PIEZO2: variants seen among roughly 807,000 people sequenced by gnomAD.
PIEZO2 encodes the protein piezo-type mechanosensitive ion channel component 2.
Under a neutral mutation model 337.3 loss-of-function variants are expected in PIEZO2, and 172 were observed. That is an observed-to-expected ratio of 0.51 (90% CI 0.45 to 0.58). The LOEUF is 0.58. Ranked by LOEUF, PIEZO2 falls within the 20% of genes least tolerant of loss-of-function variation. The pLI is 0.00. For missense variants in PIEZO2, 3,028 were observed against 3,391.3 expected, an observed-to-expected ratio of 0.89 and a Z score of 2.66; for synonymous variants, 1,251 against 1,228.5, an observed-to-expected ratio of 1.02 and a Z score of -0.38.
chr18:11,063,288 G>T (rs971823472), intron 2 of PIEZO2, among the ~76,000 whole-genome samples: 4 of 133,166 alleles, frequency 3.0e-5, no homozygotes, highest in Non-Finnish European at 4.7e-5. Context: ...TTGTGGGGTG[G>T]GGGGAGTGGG....
intron 4 of PIEZO2, among the ~76,000 whole-genome samples, chr18:10,889,320 A>G (rs1047505955): frequency 1.3e-5 from 2 of 152,238 alleles, no homozygotes; most frequent in African/African-American, 2.4e-5. Flanking sequence ...ACTGCTGCCT[A>G]TTTAGTAGAA....
Position 10,773,757 on chromosome 18 carries a change from GT to G in PIEZO2, c.2568-129del. The G allele has an allele frequency of 1.1e-6, 1 of 877,262 alleles. No individual in the cohort carries two copies. The highest frequency in any genetic ancestry group is 1.7e-6 in the Non-Finnish European group (1 of 582,122). The allele number at this position is 877,262 out of a possible 1,614,324, so 54.3% of individuals were successfully genotyped here. A position where few individuals can be genotyped will look rare whatever the true frequency, so the allele number is the denominator to read the frequency against. ...GTACAAAGACCTCACAAGGTGGGGT[GT>G]TAGCGTTTTGTCACTTTCTTTTTGG... On this transcript the variant is annotated intron_variant, in intron 19 of 55. Transcript: ENST00000674853. This position sits in a 1 kb window ranked among gnomAD's most constrained non-coding sequence, Gnocchi z 5.3.
In PIEZO2 at chr18:10,837,915, C is replaced by T. The variant is rs1315175184; in HGVS notation, c.917+17438G>A. Among the ~76,000 whole-genome samples the T allele has an allele frequency of 6.6e-6, 1 of 152,084 alleles. No homozygotes were observed. The highest frequency in any genetic ancestry group is 6.6e-5 in the Admixed American group (1 of 15,250). ...TACTGGTGCCTGCCACCATGCCCGG[C>T]TAATTTTTGTATTTTTAGTAGAGAC... On this transcript the variant is annotated intron_variant, in intron 7 of 55. Transcript: ENST00000674853. The surrounding 1 kb of genome is among the most constrained non-coding windows in gnomAD (Gnocchi z 4.4).
At chr18:11,147,655 G>T (rs952505169) in intron 1 of PIEZO2, among the ~76,000 whole-genome samples, 13 of 152,320 alleles carry the variant, frequency 8.5e-5, no homozygotes, top group African/African-American at 3.1e-4. Flanking sequence ...ACCAGGGCCC[G>T]GCATTCTTAC....
At chr18:10,804,955 A>G (rs118042203) in intron 8 of PIEZO2, among the ~76,000 whole-genome samples, 8,578 of 152,258 alleles carry the variant, frequency 0.056, 291 homozygotes, top group Non-Finnish European at 0.066. Context: ...ATACCCCTGC[A>G]GACCTCGTGA....
At position 11,067,464 on chromosome 18, in the gene PIEZO2, T is replaced by C. The variant is rs184572105; in HGVS notation, c.65-1242A>G. 3.9e-5 allele frequency among the ~76,000 whole-genome samples: 6 copies of C among 152,292 alleles called. No individual in the cohort carries two copies. In the East Asian group the frequency reaches 1.2e-3, roughly 29 times the overall value. ...ACATAGCTTGGATGAAAGAATCTTTTAAAGACCCAAGTATATGCTGCCTGC... is the reference window on the plus strand; with the variant it reads ...ACATAGCTTGGATGAAAGAATCTTTCAAAGACCCAAGTATATGCTGCCTGC... On this transcript the variant is annotated intron_variant, in intron 1 of 55. Coordinates refer to ENST00000674853, the MANE Select transcript of PIEZO2 (RefSeq NM_001378183.1).
At chr18:11,024,324 T>C (rs1484245527) in intron 2 of PIEZO2, among the ~76,000 whole-genome samples, 1 of 151,788 alleles carries the variant, frequency 6.6e-6, no homozygotes, top group Non-Finnish European at 1.5e-5. Flanking sequence ...GGCGAGCAGA[T>C]CACAAGGTCA....
In PIEZO2 at chr18:10,942,200, G is replaced by T. The variant is rs1333498952; in HGVS notation, c.287-30972C>A. On this transcript the variant is annotated intron_variant, in intron 3 of 55. Coordinates refer to ENST00000674853, the MANE Select transcript of PIEZO2 (RefSeq NM_001378183.1). This position sits in a 1 kb window ranked among gnomAD's most constrained non-coding sequence, Gnocchi z 4.4. Reference sequence around the variant, plus strand: ...TAATTCAGTAAATTGGTACCAGTAGGGTGGGGCGCTGCTGAAAAGATATCC... The same window carrying T: ...TAATTCAGTAAATTGGTACCAGTAGTGTGGGGCGCTGCTGAAAAGATATCC... 1.3e-5 allele frequency among the ~76,000 whole-genome samples: 2 copies of T among 152,144 alleles called. No homozygotes were observed. The highest frequency in any genetic ancestry group is 2.9e-5 in the Non-Finnish European group (2 of 68,034).
rs1329753771 is a variant in PIEZO2 at position 11,094,585 on chromosome 18, C to CCTCTCTGAAGACAGATGT, written c.65-28364_65-28363insACATCTGTCTTCAGAGAG. 1.3e-5 allele frequency among the ~76,000 whole-genome samples: 2 copies of CCTCTCTGAAGACAGATGT among 152,114 alleles called. No homozygotes were observed. The highest frequency in any genetic ancestry group is 6.5e-5 in the Admixed American group (1 of 15,278). On this transcript the variant is annotated intron_variant, in intron 1 of 55. Transcript: ENST00000674853. This position sits in a 1 kb window ranked among gnomAD's most constrained non-coding sequence, Gnocchi z 4.4. ...CAGGCACTCAGAAGCCTCGCTGTCC[C>CCTCTCTGAAGACAGATGT]CTCTCTGAAGACAGATGGCAACGGC...
chr18:10,900,494 C>T (rs750708944), intron 4 of PIEZO2, among the ~76,000 whole-genome samples: 47 of 152,180 alleles, frequency 3.1e-4, no homozygotes, highest in Non-Finnish European at 5.7e-4. Context: ...ATGCAGATAT[C>T]TCATGACAAT....
rs560711992 is a variant in PIEZO2 at position 10,786,493 on chromosome 18, C to A, written c.2318+543G>T. Among the ~76,000 whole-genome samples the A allele has an allele frequency of 1.6e-3, 244 of 152,286 alleles. 1 individual carries two copies. The highest frequency in any genetic ancestry group is 2.8e-3 in the African/African-American group (117 of 41,554). ...CCACATCAATATATTCAGCTCAAAA[C>A]CCAATGCTGGCTGGATTTCCAAACT... On this transcript the variant is annotated intron_variant, in intron 16 of 55. Transcript: ENST00000674853.
At chr18:10,695,536 T>C (rs1455881227) in intron 47 of PIEZO2, among the ~76,000 whole-genome samples, 1 of 152,152 alleles carries the variant, frequency 6.6e-6, no homozygotes, top group African/African-American at 2.4e-5. Flanking sequence ...TACCACAAGC[T>C]GAGACATTGC....
rs936313454 is a variant in PIEZO2 at position 10,759,152 on chromosome 18, A to G, written c.3757+330T>C. On this transcript the variant is annotated intron_variant, in intron 26 of 55. Coordinates refer to ENST00000674853, the MANE Select transcript of PIEZO2 (RefSeq NM_001378183.1). The surrounding 1 kb of genome is among the most constrained non-coding windows in gnomAD (Gnocchi z 5.5). ...GGGAGCCAGAAACCACCAAGTCAGA[A>G]AACACAAAAGCCTTCCTCTCTGGTC... 1.3e-5 allele frequency among the ~76,000 whole-genome samples: 2 copies of G among 152,060 alleles called. No individual in the cohort carries two copies. Among genetic ancestry groups the G allele is most frequent in the Non-Finnish European group, 2.9e-5 (2 of 68,002 alleles).
intron 4 of PIEZO2, among the ~76,000 whole-genome samples, chr18:10,891,517 T>C (rs887755396): frequency 3.3e-4 from 50 of 152,218 alleles, no homozygotes; most frequent in African/African-American, 1.1e-3. Context: ...ACATACATGA[T>C]GTACCGCTTG....
At position 10,689,817 on chromosome 18, in the gene PIEZO2, ATC is replaced by A. The variant is rs764429618; in HGVS notation, c.7350-17_7350-16del. On this transcript the variant is annotated splice_polypyrimidine_tract_variant and intron_variant, in intron 48 of 55. Coordinates refer to ENST00000674853, the MANE Select transcript of PIEZO2 (RefSeq NM_001378183.1). ...CGAGGCGAAACCTGGCAGGAAACAC[ATC>A]TCGTCAGAGAGACATTCGTGGGTGG... 2 of 1,595,870 alleles carry A rather than the reference ATC, an allele frequency of 1.3e-6. No individual in the cohort carries two copies. The highest frequency in any genetic ancestry group is 2.7e-5 in the African/African-American group (2 of 74,660).
At chr18:10,725,100 C>T in intron 36 of PIEZO2, 5 of 1,490,802 alleles carry the variant, frequency 3.4e-6, no homozygotes, top group Non-Finnish European at 4.7e-6. Context: ...CGCATTACAC[C>T]TACAATCCAC....
At chr18:10,733,890 G>GCTA (rs2036890564) in intron 35 of PIEZO2, among the ~76,000 whole-genome samples, 1 of 152,228 alleles carries the variant, frequency 6.6e-6, no homozygotes, top group Non-Finnish European at 1.5e-5. Context: ...TCTCCAAAGA[G>GCTA]CTACTACCAG....
rs1176101251 is a variant in PIEZO2, at chr18:10,773,849, T to C, written c.2567+157A>G. 6.6e-6 allele frequency among the ~76,000 whole-genome samples: 1 copy of C among 152,242 alleles called. No individual in the cohort carries two copies. The highest frequency in any genetic ancestry group is 1.5e-5 in the Non-Finnish European group (1 of 68,052). The stretch of plus-strand genomic sequence containing the variant: ...AAACTTGGTTAGGTTTTGTTAGCTT[T>C]TTTAATTCGGGTTCTAGTGATTAGT... On this transcript the variant is annotated intron_variant, in intron 19 of 55. Transcript: ENST00000674853. The surrounding 1 kb of genome is among the most constrained non-coding windows in gnomAD (Gnocchi z 5.3).
chr18:10,750,746 C>T lies in PIEZO2; in HGVS notation c.4168-559G>A, dbSNP rs545749050. 1.1e-4 allele frequency among the ~76,000 whole-genome samples: 16 copies of T among 152,166 alleles called. No homozygotes were observed. The South Asian group carries it at 3.3e-3, about 32-fold the overall frequency. On this transcript the variant is annotated intron_variant, in intron 28 of 55. Coordinates refer to ENST00000674853, the MANE Select transcript of PIEZO2 (RefSeq NM_001378183.1). This position sits in a 1 kb window ranked among gnomAD's most constrained non-coding sequence, Gnocchi z 4.1. ...TTTTTTGTTATAGTTAAGTTTAAATCCTGAGTTGGAAAATGTTTAAACAAG... is the reference window on the plus strand; with the variant it reads ...TTTTTTGTTATAGTTAAGTTTAAATTCTGAGTTGGAAAATGTTTAAACAAG...
Sources: allele counts gnomAD v4.1 joint callset (sites outside exome capture counted in the v4.1 genomes callset), GRCh38; gene constraint gnomAD v4.1.1; non-coding constraint Gnocchi (gnomAD v3.1); transcripts MANE v1.5; gene names NCBI Gene and HGNC (gene_info 2026-07-23, HGNC 2026-07-21).